Variants in PTPRD observed in about 807,000 individuals in gnomAD.
The protein encoded by PTPRD is receptor-type tyrosine-protein phosphatase delta.
Under a neutral mutation model 214.5 loss-of-function variants are expected in PTPRD, and 34 were observed. The ratio of observed to expected loss-of-function variants is 0.16; its 90% confidence interval spans 0.12 to 0.21. The LOEUF is 0.21. Ranked by LOEUF, PTPRD falls within the 10% of genes least tolerant of loss-of-function variation. PTPRD has a pLI of 1.00. For missense variants in PTPRD, 2,545 were observed against 2,398.7 expected (o/e 1.06, Z -1.27); for synonymous variants, 1,128 against 845.7 (o/e 1.33, Z -5.79).
chr9:9,926,458 A>G (rs952561919), intron 5 of PTPRD, among the ~76,000 whole-genome samples: 2 of 152,090 alleles, frequency 1.3e-5, no homozygotes, highest in African/African-American at 4.8e-5. Context: ...ATGAAAGAGG[A>G]CTCAGATCTT....
At chr9:8,689,888 A>T (rs1021340488) in intron 12 of PTPRD, among the ~76,000 whole-genome samples, 12 of 152,234 alleles carry the variant, frequency 7.9e-5, no homozygotes, top group African/African-American at 2.9e-4. Flanking sequence ...CTTGTGGATC[A>T]ACTGAGGTTA....
At chr9:10,287,291 G>A (rs914660177) in intron 3 of PTPRD, among the ~76,000 whole-genome samples, 1 of 152,270 alleles carries the variant, frequency 6.6e-6, no homozygotes, top group East Asian at 1.9e-4. Flanking sequence ...ACAGAGGCCT[G>A]GGACCTGTAG....
intron 39 of PTPRD, among the ~76,000 whole-genome samples, chr9:8,344,109 A>C (rs1855193917): frequency 6.6e-6 from 1 of 152,062 alleles, no homozygotes; most frequent in Non-Finnish European, 1.5e-5. Context: ...GTTTCTTTCA[A>C]ACTCCATGTT....
intron 9 of PTPRD, among the ~76,000 whole-genome samples, chr9:9,271,935 T>G (rs1943105978): frequency 6.6e-6 from 1 of 151,400 alleles, no homozygotes; most frequent in African/African-American, 2.4e-5. Flanking sequence ...ACTTCATTGT[T>G]TATAGAGATA....
intron 9 of PTPRD, among the ~76,000 whole-genome samples, chr9:9,291,089 G>T (rs759428163): frequency 6.6e-6 from 1 of 151,338 alleles, no homozygotes; most frequent in African/African-American, 2.4e-5. Context: ...AATTTCCTAA[G>T]AAACTTAACA....
intron 11 of PTPRD, among the ~76,000 whole-genome samples, chr9:8,944,047 A>C (rs1243636554): frequency 1.3e-5 from 2 of 151,894 alleles, no homozygotes; most frequent in Non-Finnish European, 2.9e-5. Flanking sequence ...TCAAACAACT[A>C]AGTAGGAAAA....
chr9:8,488,149 A>C (rs1269768537), intron 27 of PTPRD, among the ~76,000 whole-genome samples: 1 of 152,346 alleles, frequency 6.6e-6, no homozygotes, highest in East Asian at 1.9e-4. Context: ...ATCACTAAAA[A>C]GATTATGAGA....
At chr9:8,748,567 G>C (rs377094014) in intron 11 of PTPRD, among the ~76,000 whole-genome samples, 2 of 111,084 alleles carry the variant, frequency 1.8e-5, no homozygotes, top group African/African-American at 5.6e-5. Flanking sequence ...AAGAAAATGC[G>C]CTTACTTCTT....
At chr9:8,457,453 AT>A (rs1008904065) in intron 33 of PTPRD, among the ~76,000 whole-genome samples, 3 of 151,590 alleles carry the variant, frequency 2.0e-5, no homozygotes, top group East Asian at 1.9e-4. Flanking sequence ...AGCCCTGGTG[AT>A]TTTTTTTTGT....
chr9:9,147,331 G>A (rs1014744304), intron 10 of PTPRD, among the ~76,000 whole-genome samples: 4 of 150,892 alleles, frequency 2.7e-5, no homozygotes, highest in African/African-American at 9.8e-5. Context: ...TGGGGTGGGG[G>A]AGGGGATTAA....
chr9:9,828,713 GA>G (rs1295757875), intron 5 of PTPRD, among the ~76,000 whole-genome samples: 1 of 150,350 alleles, frequency 6.7e-6, no homozygotes, highest in Non-Finnish European at 1.5e-5. Context: ...ACCTAAGCAG[GA>G]TTTTTTTTTT....
chr9:8,671,053 A>G (rs2097274810), intron 12 of PTPRD, among the ~76,000 whole-genome samples: 1 of 152,168 alleles, frequency 6.6e-6, no homozygotes, highest in Non-Finnish European at 1.5e-5. Flanking sequence ...GGCAATAGAG[A>G]CATTCTTGTA....
At chr9:8,561,226 T>G (rs1372292378) in intron 14 of PTPRD, among the ~76,000 whole-genome samples, 3 of 152,146 alleles carry the variant, frequency 2.0e-5, no homozygotes, top group Non-Finnish European at 4.4e-5. Flanking sequence ...GCTTTAATCT[T>G]TTTTGAATAT....
At chr9:9,697,422 A>G (rs1349977298) in intron 7 of PTPRD, among the ~76,000 whole-genome samples, 1 of 151,948 alleles carries the variant, frequency 6.6e-6, no homozygotes, top group Non-Finnish European at 1.5e-5. Flanking sequence ...TTTCTCCTTC[A>G]TGTTTGAAGA....
At chr9:9,539,347 T>G (rs148128155) in intron 8 of PTPRD, among the ~76,000 whole-genome samples, 172 of 151,452 alleles carry the variant, frequency 1.1e-3, no homozygotes, top group African/African-American at 3.9e-3. Flanking sequence ...TAGGTGGGAG[T>G]TGAAAAAAGG....
At chr9:9,774,697 C>G (rs1256789709) in intron 5 of PTPRD, among the ~76,000 whole-genome samples, 3 of 152,152 alleles carry the variant, frequency 2.0e-5, no homozygotes, top group Non-Finnish European at 4.4e-5. Context: ...TGTAGGCATT[C>G]ATATAGAAGC....
chr9:10,028,649 C>T (rs1309409346), intron 4 of PTPRD, among the ~76,000 whole-genome samples: 1 of 152,008 alleles, frequency 6.6e-6, no homozygotes, highest in African/African-American at 2.4e-5. Flanking sequence ...TTTGTCCATG[C>T]CCTAGATATT....
chr9:10,505,235 C>G (rs1039670697), intron 2 of PTPRD, among the ~76,000 whole-genome samples: 1 of 152,232 alleles, frequency 6.6e-6, no homozygotes, highest in Admixed American at 6.5e-5. Flanking sequence ...TGAGGTATTG[C>G]AAAAGTGCTG....
chr9:9,772,062 G>C (rs552482549), intron 5 of PTPRD, among the ~76,000 whole-genome samples: 8 of 152,112 alleles, frequency 5.3e-5, no homozygotes, highest in Non-Finnish European at 1.2e-4. Flanking sequence ...CAGTACCTCA[G>C]AGTATAAGTG....
Sources: allele counts gnomAD v4.1 joint callset (sites outside exome capture counted in the v4.1 genomes callset), GRCh38; gene constraint gnomAD v4.1.1; transcripts MANE v1.5; gene names NCBI Gene and HGNC (gene_info 2026-07-23, HGNC 2026-07-21).